Variants in TBL1X observed in about 807,000 individuals in gnomAD.
TBL1X encodes the protein transducin beta like 1 X-linked, also known as F-box-like/WD repeat-containing protein TBL1X.
A neutral mutation model predicts 50.7 loss-of-function variants in TBL1X; 10 were observed. That is an observed-to-expected ratio of 0.20 (90% CI 0.12 to 0.33). The LOEUF (loss-of-function observed/expected upper bound fraction) is 0.33. Ranked by LOEUF, TBL1X falls within the 10% of genes least tolerant of loss-of-function variation. The pLI, the probability that TBL1X is intolerant of heterozygous loss-of-function variation, is 1.00. For synonymous variants in TBL1X, 190 were observed against 214.7 expected, an observed-to-expected ratio of 0.88 and a Z score of 1.01; for missense variants, 340 against 504.4, an observed-to-expected ratio of 0.67 and a Z score of 3.12.
chrX:9,495,814 A>G (rs750527078), intron 1 of TBL1X, among the ~76,000 whole-genome samples: 2 of 111,837 alleles, frequency 1.8e-5, no homozygotes, highest in Admixed American at 9.5e-5. Flanking sequence ...CAACATTTCA[A>G]AAAACTGGCA....
intron 5 of TBL1X, among the ~76,000 whole-genome samples, chrX:9,666,431 G>A (rs1048865956): frequency 9.0e-6 from 1 of 111,331 alleles, no homozygotes; most frequent in African/African-American, 3.3e-5. Flanking sequence ...GAAAAAAAGT[G>A]CTAAAAAAAA....
At chrX:9,661,141 A>T (rs1001736000) in intron 5 of TBL1X, among the ~76,000 whole-genome samples, 3 of 112,856 alleles carry the variant, frequency 2.7e-5, no homozygotes, top group African/African-American at 9.6e-5. Context: ...CGAACAGAGT[A>T]AGATAATAGT....
intron 2 of TBL1X, among the ~76,000 whole-genome samples, chrX:9,599,519 G>A (rs950246381): frequency 8.9e-6 from 1 of 112,205 alleles, no homozygotes; most frequent in Non-Finnish European, 1.9e-5. Flanking sequence ...GGGAAAAGGA[G>A]AGAGAAACAG....
At position 9,670,394 on chromosome X, in the gene TBL1X, C is replaced by T. The variant is rs554462819; in HGVS notation, c.212-13649C>T. Reference sequence around the variant, plus strand: ...CTACCCCACCCCACTGCTCACCAAACTATCTTTAAAAACCCTAATCTCTAA... The same window carrying T: ...CTACCCCACCCCACTGCTCACCAAATTATCTTTAAAAACCCTAATCTCTAA... On this transcript the variant is annotated intron_variant, in intron 5 of 17. Coordinates refer to ENST00000645353, the MANE Select transcript of TBL1X (RefSeq NM_005647.4). 4.4e-4 allele frequency among the ~76,000 whole-genome samples: 49 copies of T among 111,224 alleles called. 1 individual carries two copies. In the South Asian group the frequency reaches 0.019, roughly 43 times the overall value.
intron 2 of TBL1X, among the ~76,000 whole-genome samples, chrX:9,575,719 C>A (rs2082408183): frequency 8.9e-6 from 1 of 112,031 alleles, no homozygotes; most frequent in Non-Finnish European, 1.9e-5. Flanking sequence ...TAACTTCCAT[C>A]AGAGAAATGT....
intron 2 of TBL1X, among the ~76,000 whole-genome samples, chrX:9,617,739 G>C (rs1422963517): frequency 2.7e-5 from 3 of 112,387 alleles, no homozygotes; most frequent in Non-Finnish European, 5.6e-5. Flanking sequence ...GTGCCGGAAA[G>C]TATAAGCAAC....
At chrX:9,709,489 C>A in intron 14 of TBL1X, 144 bp from the exon 15 acceptor site, 3 of 992,492 alleles carry the variant, frequency 3.0e-6, no homozygotes, top group South Asian at 2.3e-5. Flanking sequence ...CACTGAGAAT[C>A]GCAGCCTCCC....
chrX:9,514,344 T>G (rs2082071352), intron 2 of TBL1X, among the ~76,000 whole-genome samples: 2 of 110,550 alleles, frequency 1.8e-5, no homozygotes, highest in Non-Finnish European at 3.8e-5. Context: ...GTTTTTTTTT[T>G]AATTTGCAGG....
At chrX:9,693,476 T>A (rs1190241306) in intron 11 of TBL1X, 57 bp downstream of exon 11, 36 of 1,056,569 alleles carry the variant, frequency 3.4e-5, no homozygotes, top group Non-Finnish European at 4.7e-5. Flanking sequence ...ATATTTTTAA[T>A]CTCAAAATAA....
intron 2 of TBL1X, among the ~76,000 whole-genome samples, chrX:9,526,012 T>A (rs2082130263): frequency 9.0e-6 from 1 of 111,050 alleles, no homozygotes; most frequent in Admixed American, 9.7e-5. Flanking sequence ...GTCTTGTTTC[T>A]TTCTGTGTCA....
chrX:9,539,381 A>G (rs969289160), intron 2 of TBL1X, among the ~76,000 whole-genome samples: 6 of 111,252 alleles, frequency 5.4e-5, no homozygotes, highest in African/African-American at 1.3e-4. Flanking sequence ...TATGTACTCT[A>G]TAAGGTGGTT....
intron 13 of TBL1X, 149 bp from the exon 14 acceptor site, chrX:9,709,099 G>A: frequency 2.0e-6 from 1 of 500,949 alleles, no homozygotes; most frequent in East Asian, 3.7e-5. Context: ...GAGGAAACTA[G>A]ATGGCTGGTT....
chrX:9,621,116 G>A (rs920134160), intron 2 of TBL1X, among the ~76,000 whole-genome samples: 3 of 111,611 alleles, frequency 2.7e-5, no homozygotes, highest in Admixed American at 9.5e-5. Flanking sequence ...GGCGTGTTGC[G>A]TTTGAGATGC....
chrX:9,487,864 T>G (rs2081921622), intron 1 of TBL1X, among the ~76,000 whole-genome samples: 1 of 111,193 alleles, frequency 9.0e-6, no homozygotes, highest in African/African-American at 3.3e-5. Flanking sequence ...TTGTGTGGTG[T>G]TCCTTCCAGA....
At chrX:9,635,436 A>C (rs2082741397) in intron 2 of TBL1X, among the ~76,000 whole-genome samples, 1 of 110,257 alleles carries the variant, frequency 9.1e-6, no homozygotes, top group Non-Finnish European at 1.9e-5. Flanking sequence ...GAAAAAAAAA[A>C]ACTTGGCTCC....
At chrX:9,664,078 G>A (rs780545610) in intron 5 of TBL1X, among the ~76,000 whole-genome samples, 6 of 112,092 alleles carry the variant, frequency 5.4e-5, no homozygotes, top group East Asian at 2.8e-4. Context: ...GAGCATTTCC[G>A]TCCTGCCTCC....
At chrX:9,694,712 G>A (rs1159884823) in intron 11 of TBL1X, among the ~76,000 whole-genome samples, 2 of 111,782 alleles carry the variant, frequency 1.8e-5, no homozygotes, top group Non-Finnish European at 1.9e-5. Context: ...GGTGGCTCAC[G>A]CCTGTAATCC....
chrX:9,665,499 AT>A (rs2082923353), intron 5 of TBL1X, among the ~76,000 whole-genome samples: 1 of 23,706 alleles, frequency 4.2e-5, no homozygotes, highest in African/African-American at 1.8e-4. Context: ...CTATATATAT[AT>A]ATATATATAT....
intron 11 of TBL1X, among the ~76,000 whole-genome samples, chrX:9,694,317 T>G (rs1041021974): frequency 9.0e-6 from 1 of 111,426 alleles, no homozygotes; most frequent in Non-Finnish European, 1.9e-5. Flanking sequence ...TACTGGAGGA[T>G]GCTCGGGCCT....
Sources: allele counts gnomAD v4.1 joint callset (sites outside exome capture counted in the v4.1 genomes callset), GRCh38; gene constraint gnomAD v4.1.1; transcripts MANE v1.5; gene names NCBI Gene and HGNC (gene_info 2026-07-23, HGNC 2026-07-21).